The following MAGI2 variants were observed in gnomAD, a reference collection of about 807,000 sequenced individuals.
MAGI2 encodes membrane-associated guanylate kinase, WW and PDZ domain-containing protein 2.
MAGI2 carries 35 observed loss-of-function variants against 133.3 expected under a neutral mutation model. The ratio of observed to expected loss-of-function variants is 0.26; its 90% CI spans 0.20 to 0.35. MAGI2 has a LOEUF of 0.35. Among genes scored for constraint, MAGI2 ranks in the 10% least tolerant of loss-of-function variants. The pLI is 1.00. For missense variants in MAGI2, 1,636 were observed against 1,863.4 expected, an observed-to-expected ratio of 0.88 and a Z score of 2.25; for synonymous variants, 729 against 710.6, an observed-to-expected ratio of 1.03 and a Z score of -0.41.
At chr7:78,705,517 T>C (rs1818555251) in intron 2 of MAGI2, among the ~76,000 whole-genome samples, 1 of 152,124 alleles carries the variant, frequency 6.6e-6, no homozygotes, top group Non-Finnish European at 1.5e-5. Context: ...TAAAGCCAGA[T>C]AACCACTGAT....
chr7:78,860,086 C>A (rs1794024744), intron 2 of MAGI2, among the ~76,000 whole-genome samples: 1 of 152,194 alleles, frequency 6.6e-6, no homozygotes, highest in African/African-American at 2.4e-5. Context: ...GTTTTCAGCT[C>A]CATCAGGTCA....
At chr7:78,970,345 C>T (rs750779533) in intron 2 of MAGI2, among the ~76,000 whole-genome samples, 9 of 152,010 alleles carry the variant, frequency 5.9e-5, no homozygotes, top group Non-Finnish European at 1.2e-4. Flanking sequence ...TGTTGAGATT[C>T]CAGCAACTTG....
intron 1 of MAGI2, among the ~76,000 whole-genome samples, chr7:79,210,366 G>C (rs1349229409): frequency 5.3e-5 from 8 of 151,986 alleles, no homozygotes; most frequent in Non-Finnish European, 1.5e-5. Flanking sequence ...TGAGGTATCT[G>C]GGGCTTTCAG....
At chr7:79,063,462 G>A (rs1455494631) in intron 1 of MAGI2, among the ~76,000 whole-genome samples, 1 of 152,048 alleles carries the variant, frequency 6.6e-6, no homozygotes, top group African/African-American at 2.4e-5. Context: ...TTGACCCACA[G>A]ATTTTTCTCC....
intron 2 of MAGI2, among the ~76,000 whole-genome samples, chr7:78,941,454 A>G (rs1243437927): frequency 6.6e-6 from 1 of 152,054 alleles, no homozygotes. Context: ...GGTTCAAGTG[A>G]TTCTTGTGCC....
intron 17 of MAGI2, chr7:78,134,815 T>C (rs1259670943): frequency 5.8e-6 from 3 of 520,378 alleles, no homozygotes; most frequent in Non-Finnish European, 1.0e-5. Context: ...GACCTCTGAA[T>C]GAAACAGGTA....
intron 2 of MAGI2, among the ~76,000 whole-genome samples, chr7:78,749,701 G>T (rs1329971390): frequency 6.6e-6 from 1 of 152,104 alleles, no homozygotes; most frequent in Non-Finnish European, 1.5e-5. Context: ...GCACTGGGGA[G>T]ATGTTAAAGA....
intron 2 of MAGI2, among the ~76,000 whole-genome samples, chr7:78,822,072 CA>C (rs1450819349): frequency 6.6e-6 from 1 of 151,904 alleles, no homozygotes; most frequent in East Asian, 1.9e-4. Flanking sequence ...CAGAACTGAC[CA>C]TATATTGAAC....
At chr7:78,169,650 C>T (rs1825937188) in intron 14 of MAGI2, among the ~76,000 whole-genome samples, 1 of 152,220 alleles carries the variant, frequency 6.6e-6, no homozygotes. Context: ...ACTACTTCTG[C>T]TTTCCCCTTA....
chr7:78,105,967 G>C (rs79576633), intron 20 of MAGI2, among the ~76,000 whole-genome samples: 5,992 of 151,748 alleles, frequency 0.039, 137 homozygotes, highest in East Asian at 0.066. Context: ...CTATCTAACT[G>C]TATTTTTGTA....
chr7:78,379,986 A>G (rs1421123420), intron 6 of MAGI2, among the ~76,000 whole-genome samples: 1 of 152,082 alleles, frequency 6.6e-6, no homozygotes, highest in Non-Finnish European at 1.5e-5. Flanking sequence ...TCTAAAATGA[A>G]TGAGGTAAAA....
chr7:78,918,826 C>CAT (rs1399289640), intron 2 of MAGI2, among the ~76,000 whole-genome samples: 1 of 151,904 alleles, frequency 6.6e-6, no homozygotes, highest in Non-Finnish European at 1.5e-5. Context: ...GTTTAAACAT[C>CAT]ATATATATAC....
chr7:78,352,646 C>T (rs1791638313), intron 7 of MAGI2, among the ~76,000 whole-genome samples: 1 of 152,120 alleles, frequency 6.6e-6, no homozygotes, highest in Non-Finnish European at 1.5e-5. Flanking sequence ...ATATAGTATC[C>T]AGCTGGGAGG....
intron 1 of MAGI2, among the ~76,000 whole-genome samples, chr7:79,175,064 T>C (rs977597306): frequency 6.6e-6 from 1 of 151,928 alleles, no homozygotes; most frequent in African/African-American, 2.4e-5. Context: ...CCATTACTTG[T>C]AATGGTGCTC....
At chr7:78,390,507 G>C (rs141737038) in intron 6 of MAGI2, among the ~76,000 whole-genome samples, 22 of 152,000 alleles carry the variant, frequency 1.4e-4, no homozygotes, top group African/African-American at 5.3e-4. Flanking sequence ...TTCTCTGAAG[G>C]CACACATGTA....
At chr7:79,347,266 T>C (rs944323192) in intron 1 of MAGI2, among the ~76,000 whole-genome samples, 4 of 151,946 alleles carry the variant, frequency 2.6e-5, no homozygotes, top group South Asian at 2.1e-4. Flanking sequence ...CAAAAACATA[T>C]GTCAAATCTA....
intron 1 of MAGI2, among the ~76,000 whole-genome samples, chr7:79,424,812 T>C (rs1405931659): frequency 6.6e-6 from 1 of 152,168 alleles, no homozygotes; most frequent in Non-Finnish European, 1.5e-5. Flanking sequence ...AGGCAAATCA[T>C]TTTATTCCTC....
At chr7:78,735,061 T>C (rs1234942235) in intron 2 of MAGI2, among the ~76,000 whole-genome samples, 1 of 152,210 alleles carries the variant, frequency 6.6e-6, no homozygotes, top group Non-Finnish European at 1.5e-5. Flanking sequence ...GTAAAGACTA[T>C]CTAAATCTAC....
At chr7:78,506,915 C>T (rs1365936400) in intron 4 of MAGI2, among the ~76,000 whole-genome samples, 2 of 152,192 alleles carry the variant, frequency 1.3e-5, no homozygotes, top group Admixed American at 6.5e-5. Context: ...AAATGTAGGA[C>T]ATCTCTTAAA....
Sources: gnomAD v4.1 joint callset for allele counts (sites outside exome capture counted in the v4.1 genomes callset) on GRCh38, gnomAD v4.1.1 for gene constraint, MANE v1.5 for transcripts, NCBI Gene and HGNC (gene_info 2026-07-23, HGNC 2026-07-21) for gene names.